Variants in INPP5F observed in about 807,000 individuals in gnomAD.
INPP5F encodes inositol polyphosphate-5-phosphatase F.
Under a neutral mutation model 137.2 loss-of-function variants are expected in INPP5F, and 97 were observed. The observed-to-expected ratio is 0.71, with a 90% CI of 0.60 to 0.84. INPP5F has a LOEUF of 0.84. Ranked by LOEUF, INPP5F falls within the 40% of genes least tolerant of loss-of-function variation. The pLI, the probability that INPP5F is intolerant of heterozygous loss-of-function variation, is 0.00. For missense variants in INPP5F, 1,271 were observed against 1,371.9 expected, an observed-to-expected ratio of 0.93 and a Z score of 1.16; for synonymous variants, 504 against 476.9, an observed-to-expected ratio of 1.06 and a Z score of -0.74.
intron 15 of INPP5F, chr10:119,818,587 G>C (rs7907781): frequency 0.99 from 151,594 of 152,576 alleles, 75,316 homozygotes; most frequent in South Asian, 1. Context: ...CTGTGCCCTC[G>C]TTGGTAGGCG....
intron 2 of INPP5F, among the ~76,000 whole-genome samples, chr10:119,766,673 A>G (rs1414826386): frequency 3.9e-5 from 6 of 151,966 alleles, no homozygotes; most frequent in African/African-American, 1.2e-4. Flanking sequence ...GATAGAAACA[A>G]TGGAAGCCAG....
At chr10:119,818,991 G>A (rs1270643417) in intron 15 of INPP5F, 1 of 152,292 alleles carries the variant, frequency 6.6e-6, no homozygotes, top group Non-Finnish European at 1.5e-5. Flanking sequence ...CTTTTCCAAA[G>A]TCTGATGTTG....
At chr10:119,783,578 T>G (rs148425872) in intron 3 of INPP5F, among the ~76,000 whole-genome samples, 2 of 152,290 alleles carry the variant, frequency 1.3e-5, no homozygotes, top group East Asian at 3.9e-4. Context: ...TTTTTGAGAC[T>G]AGTAGCTGAC....
At chr10:119,819,975 G>A (rs1315443650) in intron 15 of INPP5F, 1 of 153,032 alleles carries the variant, frequency 6.5e-6, no homozygotes, top group African/African-American at 2.4e-5. Flanking sequence ...AATCCCAAGG[G>A]AGAAATGTCG....
At chr10:119,800,370 A>C (rs973380195) in intron 9 of INPP5F, among the ~76,000 whole-genome samples, 2 of 149,784 alleles carry the variant, frequency 1.3e-5, no homozygotes, top group Admixed American at 1.3e-4. Flanking sequence ...CCTGGTCAGC[A>C]TGGTGAAACC....
At chr10:119,821,130 GTATGTT>G (rs1464157015) in intron 16 of INPP5F, among the ~76,000 whole-genome samples, 5 of 152,052 alleles carry the variant, frequency 3.3e-5, no homozygotes, top group Non-Finnish European at 1.5e-5. Flanking sequence ...AGTTAAATTA[GTATGTT>G]TATGTTATAG....
intron 2 of INPP5F, among the ~76,000 whole-genome samples, chr10:119,755,123 C>T (rs1848801800): frequency 6.6e-6 from 1 of 152,226 alleles, no homozygotes; most frequent in Non-Finnish European, 1.5e-5. Flanking sequence ...CTGTTCCTGA[C>T]TGTCACTGAA....
At chr10:119,791,206 A>G (rs529240391) in intron 3 of INPP5F, among the ~76,000 whole-genome samples, 1 of 152,378 alleles carries the variant, frequency 6.6e-6, no homozygotes, top group South Asian at 2.1e-4. Flanking sequence ...CCAAAGCATT[A>G]ATAACCTCAG....
At chr10:119,794,010 ATTTTTT>A (rs940593564) in intron 6 of INPP5F, among the ~76,000 whole-genome samples, 3 of 152,028 alleles carry the variant, frequency 2.0e-5, no homozygotes, top group African/African-American at 7.3e-5. Flanking sequence ...TTTTATTTTT[ATTTTTT>A]ATGTTTGCAT....
At chr10:119,789,874 AGAG>A (rs1057388919) in intron 3 of INPP5F, among the ~76,000 whole-genome samples, 13 of 151,938 alleles carry the variant, frequency 8.6e-5, no homozygotes, top group African/African-American at 3.1e-4. Flanking sequence ...TCAAAGCGGC[AGAG>A]GAGGAGTGAC....
chr10:119,726,783 G>C (rs1847907323), intron 1 of INPP5F, among the ~76,000 whole-genome samples: 1 of 152,264 alleles, frequency 6.6e-6, no homozygotes, highest in Non-Finnish European at 1.5e-5. Flanking sequence ...GGTTGCGCCA[G>C]TTCCGTCTAG....
intron 14 of INPP5F, among the ~76,000 whole-genome samples, chr10:119,811,397 G>T (rs1291785864): frequency 6.6e-6 from 1 of 152,168 alleles, no homozygotes; most frequent in Non-Finnish European, 1.5e-5. Flanking sequence ...AAGTTAGCTT[G>T]TCTGTTCAGA....
intron 6 of INPP5F, among the ~76,000 whole-genome samples, chr10:119,794,410 C>T (rs368487073): frequency 0.05 from 7,522 of 151,650 alleles, 307 homozygotes; most frequent in South Asian, 0.25. Flanking sequence ...AAGTCTCCCA[C>T]GTCTACCTCT....
At chr10:119,799,481 G>C (rs1186928271) in intron 9 of INPP5F, among the ~76,000 whole-genome samples, 2 of 152,068 alleles carry the variant, frequency 1.3e-5, no homozygotes, top group Non-Finnish European at 2.9e-5. Flanking sequence ...ATAGATTTCA[G>C]TTCTTCCTAA....
chr10:119,823,087 T>A lies in INPP5F; in HGVS notation c.2049T>A (p.Leu683=). 6.2e-7 allele frequency: 1 copy of A among 1,613,684 alleles called. No individual in the cohort carries two copies. The highest frequency in any genetic ancestry group is 8.5e-7 in the Non-Finnish European group (1 of 1,179,876). Residue 683 remains leucine (L), a synonymous_variant, in exon 18 of 20, where the codon CTT becomes CTA. Coordinates refer to ENST00000650623, the MANE Select transcript of INPP5F (RefSeq NM_014937.4). ...GGATTTTAGGCCCTGAACCCACTCT[T>A]TTTGGTAAGCCAAAGTTCTCCTGCA... ...EKIEIGPEPT[L]FGKPKFSCMR... is the part of the protein sequence containing the mutation.
chr10:119,801,819 TAAAAC>T (rs1280192627), intron 9 of INPP5F, among the ~76,000 whole-genome samples: 2 of 152,116 alleles, frequency 1.3e-5, no homozygotes, highest in Non-Finnish European at 2.9e-5. Flanking sequence ...CGTGCAATTA[TAAAAC>T]AAAACAATAC....
intron 13 of INPP5F, among the ~76,000 whole-genome samples, chr10:119,808,688 A>G (rs1850901615): frequency 6.6e-6 from 1 of 152,246 alleles, no homozygotes. Flanking sequence ...TAAGTTAAAT[A>G]TAAAATATAT....
In INPP5F at chr10:119,791,968, T is replaced by A; in HGVS notation, c.544T>A (p.Tyr182Asn). ...DSESFYYSLT[Y>N]DLTNSVQRQS... ...AGAATCCTTTTATTATAGCTTGACC[T>A]ATGACCTGACCAATTCCGTGCAGAG... is the stretch of plus-strand genomic sequence containing the variant. The change falls in exon 5 of 20, where the codon TAT (tyrosine) becomes AAT (asparagine). Residue 182 changes from tyrosine to asparagine, a missense_variant. Coordinates refer to ENST00000650623, the MANE Select transcript of INPP5F (RefSeq NM_014937.4). 1 of 1,614,244 alleles carries A rather than the reference T, an allele frequency of 6.2e-7. No homozygotes were observed. Among genetic ancestry groups the A allele is most frequent in the Non-Finnish European group, 8.5e-7 (1 of 1,180,044 alleles).
Position 119,750,471 on chromosome 10 carries a change from T to C in INPP5F, c.98-605T>C, listed in dbSNP as rs531103160. Among the ~76,000 whole-genome samples, 42 of 152,360 alleles carry C rather than the reference T, an allele frequency of 2.8e-4. No homozygotes were observed. In the South Asian group the frequency reaches 8.1e-3, roughly 29 times the overall value. On this transcript the variant is annotated intron_variant, in intron 1 of 19. Transcript: ENST00000650623. ...AGCTTGTGTCATCTAATTTCTCATA[T>C]GGAAGAAGTGAGAAAACTGTCACCC...
Sources: gnomAD v4.1 joint callset for allele counts (sites outside exome capture counted in the v4.1 genomes callset) on GRCh38, gnomAD v4.1.1 for gene constraint, MANE v1.5 for transcripts, NCBI Gene and HGNC (gene_info 2026-07-23, HGNC 2026-07-21) for gene names.